The following TJP1 variants were observed in gnomAD, a reference collection of about 807,000 sequenced individuals.
The protein encoded by TJP1 is tight junction protein ZO-1.
A neutral mutation model predicts 194.2 loss-of-function variants in TJP1; 43 were observed. The ratio of observed to expected loss-of-function variants is 0.22; its 90% CI spans 0.17 to 0.29. The LOEUF (loss-of-function observed/expected upper bound fraction) is 0.29, where lower values mean the gene tolerates loss of function less well. Ranked by LOEUF, TJP1 falls within the 10% of genes least tolerant of loss-of-function variation. TJP1 has a pLI of 1.00. For synonymous variants in TJP1, 801 were observed against 779.0 expected, an observed-to-expected ratio of 1.03 and a Z score of -0.47; for missense variants, 1,971 against 2,185.7, an observed-to-expected ratio of 0.90 and a Z score of 1.96.
rs774629988 is a variant in TJP1, at chr15:29,716,850, T to C, written c.3975-12A>G. ...GAGGTTCTGGGATCCTAACAGATAA[T>C]GAATGACAAACGGAACACCTTTTTA... is the stretch of plus-strand genomic sequence containing the variant. On this transcript the variant is annotated splice_polypyrimidine_tract_variant and intron_variant, in intron 22 of 27. Transcript: ENST00000614355. The C allele has an allele frequency of 1.9e-6, 3 of 1,580,962 alleles. No individual in the cohort carries two copies. The highest frequency in any genetic ancestry group is 2.6e-6 in the Non-Finnish European group (3 of 1,155,574).
rs114449345 is a variant in TJP1, at chr15:29,738,984, T to C, written c.1257-1570A>G. 6.1e-3 allele frequency among the ~76,000 whole-genome samples: 924 copies of C among 151,996 alleles called. 9 individuals are homozygous for C. The highest frequency in any genetic ancestry group is 0.021 in the African/African-American group (875 of 41,448). On this transcript the variant is annotated intron_variant, in intron 10 of 27. Transcript: ENST00000614355. ...CCTCGAGCCTAGGAGTTTGAGGTTA[T>C]GGTGAGCAATGATCACACCATTATA...
rs779641261 is a variant in TJP1, at chr15:29,748,951, TGTGC to T, written c.1011-6174_1011-6171del. 1.1e-4 allele frequency among the ~76,000 whole-genome samples: 4 copies of T among 36,234 alleles called. No individual in the cohort carries two copies. The Admixed American group carries it at 1.5e-3, about 14-fold the overall frequency. The allele number at this position is 36,234 out of a possible 152,430, so 23.8% of individuals were successfully genotyped here. ...GTGTGTGTGTGTGTGTGTGTGTGTG[TGTGC>T]GCGTGTGTGCGCGCGCGCGTTTGCT... On this transcript the variant is annotated intron_variant, in intron 8 of 27. Coordinates refer to ENST00000614355, the MANE Select transcript of TJP1 (RefSeq NM_001330239.4).
intron 2 of TJP1, among the ~76,000 whole-genome samples, chr15:29,909,170 A>G (rs1468048603): frequency 7.4e-4 from 109 of 146,658 alleles, no homozygotes; most frequent in Middle Eastern, 3.5e-3. Context: ...AAAAAAAAAA[A>G]AGAAAAGAAA....
At chr15:29,737,565 G>T (rs575475114) in intron 10 of TJP1, 151 bp from the exon 11 acceptor site, 212 of 842,916 alleles carry the variant, frequency 2.5e-4, no homozygotes, top group Admixed American at 3.5e-4. Context: ...AAAATTTAGT[G>T]TTAGAATTCA....
chr15:29,727,007 A>G lies in TJP1; in HGVS notation c.2101-16T>C. On this transcript the variant is annotated splice_polypyrimidine_tract_variant and intron_variant, in intron 16 of 27. Transcript: ENST00000614355. Reference sequence around the variant, plus strand: ...CATGTTTGTCCTAGAAACAGAAAGAAAAATATATACAAAGACACAAGACAT... The same window carrying G: ...CATGTTTGTCCTAGAAACAGAAAGAGAAATATATACAAAGACACAAGACAT... 6.2e-7 allele frequency: 1 copy of G among 1,606,044 alleles called. No homozygotes were observed. Among genetic ancestry groups the G allele is most frequent in the Non-Finnish European group, 8.5e-7 (1 of 1,173,568 alleles).
intron 2 of TJP1, among the ~76,000 whole-genome samples, chr15:29,945,018 A>C (rs919419181): frequency 6.6e-6 from 1 of 152,232 alleles, no homozygotes; most frequent in African/African-American, 2.4e-5. Flanking sequence ...AGGAATTGTC[A>C]TTATGAAATA....
At chr15:29,726,580 G>A in intron 17 of TJP1, 101 bp from the exon 18 acceptor site, 1 of 1,259,474 alleles carries the variant, frequency 7.9e-7, no homozygotes, top group East Asian at 2.4e-5. Flanking sequence ...CTGAAAGATG[G>A]TATCTGAGGA....
intron 12 of TJP1, among the ~76,000 whole-genome samples, chr15:29,733,819 G>A (rs2151270954): frequency 6.6e-6 from 1 of 152,238 alleles, no homozygotes; most frequent in South Asian, 2.1e-4. Context: ...ACATTATTTG[G>A]TCCAAAATGT....
At position 29,856,818 on chromosome 15, in the gene TJP1, A is replaced by G. The variant is rs2152093636; in HGVS notation, c.307-56116T>C. ...GAAACCCCGTCTCTATGACTGTGCCACTGCACTCCAGCCTGGGTGACAGAG... is the reference window on the plus strand; with the variant it reads ...GAAACCCCGTCTCTATGACTGTGCCGCTGCACTCCAGCCTGGGTGACAGAG... On this transcript the variant is annotated intron_variant, in intron 2 of 28. Coordinates refer to the TJP1 transcript ENST00000356107. Among the ~76,000 whole-genome samples, 2 of 151,682 alleles carry G rather than the reference A, an allele frequency of 1.3e-5. 1 individual carries two copies. Among genetic ancestry groups the G allele is most frequent in the African/African-American group, 4.8e-5 (2 of 41,306 alleles).
At chr15:29,867,993 G>A (rs1226893964) in intron 2 of TJP1, among the ~76,000 whole-genome samples, 1 of 150,400 alleles carries the variant, frequency 6.6e-6, no homozygotes, top group Non-Finnish European at 1.5e-5. Context: ...GAGGCAGAGA[G>A]GTTGCAGTGA....
intron 1 of TJP1, among the ~76,000 whole-genome samples, chr15:29,819,063 C>T (rs1347634580): frequency 1.3e-5 from 2 of 152,186 alleles, no homozygotes; most frequent in Non-Finnish European, 2.9e-5. Flanking sequence ...AGTGACCCAC[C>T]CGCCTTTATT....
intron 2 of TJP1, among the ~76,000 whole-genome samples, chr15:29,955,265 T>C (rs2055893656): frequency 6.6e-6 from 1 of 152,126 alleles, no homozygotes; most frequent in Non-Finnish European, 1.5e-5. Flanking sequence ...AATGAACATA[T>C]CAGGTCTACC....
upstream of TJP1, among the ~76,000 whole-genome samples, chr15:29,826,603 G>A (rs180759039): frequency 6.6e-6 from 1 of 152,274 alleles, no homozygotes; most frequent in East Asian, 1.9e-4. Context: ...CCCCCCAAGG[G>A]TTATGAATTC....
intron 2 of TJP1, among the ~76,000 whole-genome samples, chr15:29,778,762 T>C (rs527774268): frequency 1.3e-5 from 2 of 152,298 alleles, no homozygotes; most frequent in East Asian, 1.9e-4. Flanking sequence ...TACTACCTTA[T>C]CAATCTTGCA....
At chr15:29,956,227 C>T in intron 2 of TJP1, 3 of 1,285,186 alleles carry the variant, frequency 2.3e-6, no homozygotes, top group Non-Finnish European at 3.0e-6. Flanking sequence ...GATCAGTCCA[C>T]TTACAGTGAG....
intron 2 of TJP1, among the ~76,000 whole-genome samples, chr15:29,916,877 T>C (rs755532506): frequency 3.3e-5 from 5 of 152,164 alleles, no homozygotes; most frequent in African/African-American, 7.2e-5. Context: ...TGTGACATCA[T>C]AGAGCCATTT....
At chr15:29,789,613 A>G (rs1254258834) in intron 2 of TJP1, among the ~76,000 whole-genome samples, 2 of 152,224 alleles carry the variant, frequency 1.3e-5, no homozygotes, top group South Asian at 2.1e-4. Context: ...AATGAAGCAT[A>G]TATTATTCTA....
At chr15:29,840,577 T>C (rs1439751569) in intron 2 of TJP1, among the ~76,000 whole-genome samples, 1 of 152,078 alleles carries the variant, frequency 6.6e-6, no homozygotes, top group Non-Finnish European at 1.5e-5. Context: ...TGGGCATGGA[T>C]TCTCCCTACC....
intron 5 of TJP1, 28 bp downstream of exon 5, chr15:29,766,238 A>T (rs529123203): frequency 6.3e-7 from 1 of 1,588,986 alleles, no homozygotes; most frequent in Non-Finnish European, 8.5e-7. Flanking sequence ...TTCATGTGAA[A>T]AAAACAGCAA....
Sources: allele counts gnomAD v4.1 joint callset (sites outside exome capture counted in the v4.1 genomes callset), GRCh38; gene constraint gnomAD v4.1.1; transcripts MANE v1.5; gene names NCBI Gene and HGNC (gene_info 2026-07-23, HGNC 2026-07-21).